The following CNTNAP2 variants were observed in gnomAD, a reference collection of about 807,000 sequenced individuals.
CNTNAP2 encodes contactin-associated protein-like 2.
Under a neutral mutation model 155.2 loss-of-function variants are expected in CNTNAP2, and 98 were observed. The ratio of observed to expected loss-of-function variants is 0.63; its 90% confidence interval spans 0.54 to 0.75. The LOEUF (loss-of-function observed/expected upper bound fraction) is 0.75, where lower values mean the gene tolerates loss of function less well. Ranked by LOEUF, CNTNAP2 falls within the 30% of genes least tolerant of loss-of-function variation. The pLI, the probability that CNTNAP2 is intolerant of heterozygous loss-of-function variation, is 0.00. For missense variants in CNTNAP2, 1,727 were observed against 1,688.1 expected, an observed-to-expected ratio of 1.02 and a Z score of -0.40; for synonymous variants, 651 against 631.2, an observed-to-expected ratio of 1.03 and a Z score of -0.47.
intron 15 of CNTNAP2, among the ~76,000 whole-genome samples, chr7:148,109,630 C>T (rs949033952): frequency 3.4e-5 from 5 of 148,556 alleles, no homozygotes; most frequent in East Asian, 2.1e-4. Context: ...GTGATCTGCC[C>T]GCCTTGGCCT....
intron 11 of CNTNAP2, among the ~76,000 whole-genome samples, chr7:147,523,708 G>A (rs765226898): frequency 7.2e-5 from 11 of 152,126 alleles, no homozygotes; most frequent in Non-Finnish European, 1.2e-4. Context: ...GTCTCCTTGC[G>A]TGTCTCCCTC....
intron 3 of CNTNAP2, among the ~76,000 whole-genome samples, chr7:146,927,377 T>C (rs1339849657): frequency 6.6e-6 from 1 of 152,176 alleles, no homozygotes; most frequent in Admixed American, 6.6e-5. Flanking sequence ...CCCAGTGATC[T>C]AGCTATGATT....
At chr7:147,463,702 T>C (rs1011065260) in intron 10 of CNTNAP2, among the ~76,000 whole-genome samples, 1 of 152,180 alleles carries the variant, frequency 6.6e-6, no homozygotes, top group Admixed American at 6.5e-5. Context: ...CTGTCACAAA[T>C]GGCCTCTCAC....
chr7:148,069,744 A>C (rs572363212), intron 15 of CNTNAP2, among the ~76,000 whole-genome samples: 2 of 149,520 alleles, frequency 1.3e-5, no homozygotes, highest in Non-Finnish European at 3.0e-5. Flanking sequence ...TGGGTGACAG[A>C]CAAAGACTCC....
intron 1 of CNTNAP2, among the ~76,000 whole-genome samples, chr7:146,611,884 T>C (rs996083669): frequency 1.3e-5 from 2 of 152,160 alleles, no homozygotes; most frequent in Non-Finnish European, 2.9e-5. Flanking sequence ...AAACAGAAAG[T>C]CTTCTTTTGC....
At chr7:146,952,717 A>T (rs1431390075) in intron 3 of CNTNAP2, among the ~76,000 whole-genome samples, 2 of 152,194 alleles carry the variant, frequency 1.3e-5, no homozygotes, top group African/African-American at 4.8e-5. Flanking sequence ...AATACAACTT[A>T]CAAGGGATGT....
intron 1 of CNTNAP2, among the ~76,000 whole-genome samples, chr7:146,350,578 G>A (rs1381731556): frequency 1.3e-5 from 2 of 151,710 alleles, no homozygotes; most frequent in Non-Finnish European, 2.9e-5. Context: ...TACACTGTTG[G>A]TGGGACTGTA....
At chr7:147,321,372 C>G (rs538673121) in intron 9 of CNTNAP2, among the ~76,000 whole-genome samples, 1 of 152,314 alleles carries the variant, frequency 6.6e-6, no homozygotes, top group Non-Finnish European at 1.5e-5. Context: ...AAAGCTGCCT[C>G]TTGGCAGCTG....
chr7:148,231,827 G>C (rs910859648), intron 20 of CNTNAP2, among the ~76,000 whole-genome samples: 43 of 152,308 alleles, frequency 2.8e-4, no homozygotes, highest in African/African-American at 1.0e-3. Context: ...CTCTTGATTA[G>C]AGTGGGGAAC....
intron 1 of CNTNAP2, among the ~76,000 whole-genome samples, chr7:146,281,252 A>G (rs1408298751): frequency 6.6e-6 from 1 of 152,222 alleles, no homozygotes; most frequent in East Asian, 1.9e-4. Context: ...TTGATATGAC[A>G]TAATATGATC....
At chr7:147,857,411 A>C (rs73746205) in intron 13 of CNTNAP2, among the ~76,000 whole-genome samples, 1,552 of 152,284 alleles carry the variant, frequency 0.01, 39 homozygotes, top group African/African-American at 0.035. Flanking sequence ...TGTTGGCAAA[A>C]GTTTTCAAAT....
intron 1 of CNTNAP2, among the ~76,000 whole-genome samples, chr7:146,239,224 CT>C (rs67025727): frequency 0.046 from 6,976 of 152,138 alleles, 500 homozygotes; most frequent in African/African-American, 0.15. Context: ...ATTTTCCCCC[CT>C]GATGTTATTT....
At chr7:146,995,902 A>C (rs1378134371) in intron 3 of CNTNAP2, among the ~76,000 whole-genome samples, 15 of 151,836 alleles carry the variant, frequency 9.9e-5, no homozygotes, top group Admixed American at 9.9e-4. Context: ...ATTTTTTTGC[A>C]TTTGTTGTCT....
At chr7:146,201,137 T>A (rs978321583) in intron 1 of CNTNAP2, among the ~76,000 whole-genome samples, 2 of 152,072 alleles carry the variant, frequency 1.3e-5, no homozygotes, top group African/African-American at 4.8e-5. Context: ...GAAAGGGGAA[T>A]GCAATTTTTC....
At chr7:148,034,166 A>G (rs1189799746) in intron 15 of CNTNAP2, among the ~76,000 whole-genome samples, 1 of 152,220 alleles carries the variant, frequency 6.6e-6, no homozygotes, top group African/African-American at 2.4e-5. Context: ...GTTAACATAG[A>G]GATAAAGTGA....
intron 21 of CNTNAP2, among the ~76,000 whole-genome samples, chr7:148,337,478 G>A (rs1046763159): frequency 2.0e-5 from 3 of 152,178 alleles, no homozygotes; most frequent in Non-Finnish European, 2.9e-5. Context: ...AGGTGATTTC[G>A]ATGTGAAACG....
chr7:147,575,014 T>C (rs1399004959), intron 12 of CNTNAP2, among the ~76,000 whole-genome samples: 2 of 152,102 alleles, frequency 1.3e-5, no homozygotes, highest in Admixed American at 1.3e-4. Flanking sequence ...GATTCAGCAT[T>C]CTACTAAGTC....
At chr7:146,484,208 G>A (rs1465706757) in intron 1 of CNTNAP2, among the ~76,000 whole-genome samples, 1 of 152,192 alleles carries the variant, frequency 6.6e-6, no homozygotes, top group Non-Finnish European at 1.5e-5. Context: ...GTAGTGGTGT[G>A]TACCATTTAG....
intron 14 of CNTNAP2, among the ~76,000 whole-genome samples, chr7:147,916,933 T>A (rs1800172923): frequency 6.6e-6 from 1 of 152,212 alleles, no homozygotes; most frequent in Non-Finnish European, 1.5e-5. Context: ...GTTTCCCACG[T>A]GTAAAACCCC....
Sources: gnomAD v4.1 joint callset for allele counts (sites outside exome capture counted in the v4.1 genomes callset) on GRCh38, gnomAD v4.1.1 for gene constraint, MANE v1.5 for transcripts, NCBI Gene and HGNC (gene_info 2026-07-23, HGNC 2026-07-21) for gene names.